The following DPY19L1 variants were observed in gnomAD, a reference collection of about 807,000 sequenced individuals.
DPY19L1 encodes protein C-mannosyl-transferase DPY19L1.
Under a neutral mutation model 96.9 loss-of-function variants are expected in DPY19L1, and 35 were observed. That is an observed-to-expected ratio of 0.36 (90% CI 0.28 to 0.48). DPY19L1 has a LOEUF of 0.48. DPY19L1 is among the 20% of genes least tolerant of loss of function. The pLI is 0.99. For synonymous variants in DPY19L1, 205 were observed against 252.6 expected (o/e 0.81, Z 1.79); for missense variants, 521 against 777.9 (o/e 0.67, Z 3.93).
rs193207818 is a variant in DPY19L1 at position 34,994,576 on chromosome 7, C to T, written c.765-4635G>A. ...ATCCCAGCACTTTGGGAGGCTGAGGCGGGCGGATCACGAGGTCAGGAGATC... is the reference window on the plus strand; with the variant it reads ...ATCCCAGCACTTTGGGAGGCTGAGGTGGGCGGATCACGAGGTCAGGAGATC... On this transcript the variant is annotated intron_variant, in intron 6 of 21. Transcript: ENST00000638088. 5.0e-3 allele frequency among the ~76,000 whole-genome samples: 761 copies of T among 152,100 alleles called. 1 individual carries two copies. The highest frequency in any genetic ancestry group is 8.7e-3 in the Non-Finnish European group (592 of 67,950).
intron 8 of DPY19L1, among the ~76,000 whole-genome samples, chr7:34,971,627 T>A (rs1364676147): frequency 2.6e-5 from 4 of 152,130 alleles, no homozygotes; most frequent in Non-Finnish European, 1.5e-5. Flanking sequence ...GAAAGGAAAG[T>A]TCTCTAAAAC....
At chr7:34,952,127 C>T (rs931105619) in intron 13 of DPY19L1, among the ~76,000 whole-genome samples, 16 of 136,094 alleles carry the variant, frequency 1.2e-4, no homozygotes, top group African/African-American at 4.3e-4. Context: ...AAAAAAAGAC[C>T]ACAAAAAAAA....
At chr7:34,967,379 T>G (rs1415266381) in intron 9 of DPY19L1, among the ~76,000 whole-genome samples, 1 of 152,306 alleles carries the variant, frequency 6.6e-6, no homozygotes, top group East Asian at 1.9e-4. Context: ...AATGCATGTG[T>G]GCATAAAAAT....
chr7:35,001,581 C>CTT (rs1039283749), intron 6 of DPY19L1, among the ~76,000 whole-genome samples: 4 of 152,130 alleles, frequency 2.6e-5, no homozygotes, highest in African/African-American at 9.7e-5. Flanking sequence ...TTTTACAACC[C>CTT]TAAAAGACCT....
chr7:34,949,751 G>C (rs1385952935), intron 14 of DPY19L1, 46 bp downstream of exon 14: 1 of 1,241,482 alleles, frequency 8.1e-7, no homozygotes, highest in East Asian at 2.4e-5. Flanking sequence ...TATGAAAAAT[G>C]TATGGGCCAA....
chr7:34,961,170 A>G (rs533233447), intron 10 of DPY19L1, among the ~76,000 whole-genome samples: 1 of 152,336 alleles, frequency 6.6e-6, no homozygotes, highest in South Asian at 2.1e-4. Flanking sequence ...ATGGAGATAT[A>G]AACAACCCAG....
intron 6 of DPY19L1, among the ~76,000 whole-genome samples, chr7:34,992,983 C>T (rs1785206065): frequency 6.6e-6 from 1 of 152,154 alleles, no homozygotes; most frequent in Non-Finnish European, 1.5e-5. Context: ...TGACTTCATT[C>T]CTTTGGAGTT....
At chr7:35,005,219 C>T (rs1785523306) in intron 6 of DPY19L1, among the ~76,000 whole-genome samples, 1 of 151,836 alleles carries the variant, frequency 6.6e-6, no homozygotes, top group South Asian at 2.1e-4. Flanking sequence ...CAGCAGTAAT[C>T]AGGGGAGAAC....
intron 7 of DPY19L1, among the ~76,000 whole-genome samples, chr7:34,978,414 T>C (rs911374616): frequency 4.6e-5 from 7 of 152,202 alleles, no homozygotes; most frequent in African/African-American, 1.7e-4. Context: ...GAGTGCTTCC[T>C]TAAAAGACTG....
At chr7:34,988,430 CTT>C (rs77461383) in intron 7 of DPY19L1, among the ~76,000 whole-genome samples, 1 of 142,966 alleles carries the variant, frequency 7.0e-6, no homozygotes, top group Non-Finnish European at 1.5e-5. Context: ...AAAACCAAAT[CTT>C]TTTTTTTTTT....
intron 16 of DPY19L1, among the ~76,000 whole-genome samples, chr7:34,942,929 C>T (rs572828217): frequency 6.6e-6 from 1 of 152,172 alleles, no homozygotes; most frequent in Admixed American, 6.5e-5. Flanking sequence ...TGGTGATACC[C>T]CAGCAAAGCA....
chr7:34,990,218 T>C (rs1785137490), intron 6 of DPY19L1, among the ~76,000 whole-genome samples: 1 of 152,252 alleles, frequency 6.6e-6, no homozygotes. Context: ...TTAGTAGTCA[T>C]ATTACTGTAC....
At chr7:34,996,721 G>A (rs1326759945) in intron 6 of DPY19L1, among the ~76,000 whole-genome samples, 2 of 151,998 alleles carry the variant, frequency 1.3e-5, no homozygotes, top group African/African-American at 4.8e-5. Context: ...TGCCCACAAG[G>A]TCAAATCCAA....
chr7:35,028,746 T>C (rs939431123), intron 1 of DPY19L1, among the ~76,000 whole-genome samples: 4 of 152,210 alleles, frequency 2.6e-5, no homozygotes, highest in Non-Finnish European at 1.5e-5. Context: ...CTCATACTTA[T>C]GGTTATTTTT....
chr7:34,940,594 A>T lies in DPY19L1; in HGVS notation c.1690-267T>A, dbSNP rs116520342. ...ATTCAAGTAAAGCCACAACCAATTTACAAGGCCCAGTACAAAACAAAAATG... is the reference window on the plus strand; with the variant it reads ...ATTCAAGTAAAGCCACAACCAATTTTCAAGGCCCAGTACAAAACAAAAATG... On this transcript the variant is annotated intron_variant, in intron 18 of 21. Transcript: ENST00000638088. Among the ~76,000 whole-genome samples the T allele has an allele frequency of 2.0e-3, 304 of 152,152 alleles. 5 individuals carry two copies. Among genetic ancestry groups the T allele is most frequent in the African/African-American group, 6.8e-3 (282 of 41,520 alleles).
chr7:34,980,970 A>C (rs1300410263), intron 7 of DPY19L1, among the ~76,000 whole-genome samples: 4 of 152,216 alleles, frequency 2.6e-5, no homozygotes, highest in Non-Finnish European at 5.9e-5. Flanking sequence ...AAATAGGCAA[A>C]ACTAATCAAT....
chr7:34,987,662 G>C (rs1160304543), intron 7 of DPY19L1, among the ~76,000 whole-genome samples: 1 of 151,966 alleles, frequency 6.6e-6, no homozygotes, highest in Non-Finnish European at 1.5e-5. Flanking sequence ...TAACCCAGTG[G>C]CATTTCCAGT....
Position 34,938,504 on chromosome 7 carries a change from G to A in DPY19L1, c.1965-385C>T, listed in dbSNP as rs114266063. On this transcript the variant is annotated intron_variant, in intron 20 of 21. Transcript: ENST00000638088. ...GTGAAGCTGCAACAGTCCCAACTTAGACATCAACAATAATTCACATTAAAT... is the reference window on the plus strand; with the variant it reads ...GTGAAGCTGCAACAGTCCCAACTTAAACATCAACAATAATTCACATTAAAT... Among the ~76,000 whole-genome samples, 1,266 of 152,248 alleles carry A rather than the reference G, an allele frequency of 8.3e-3. 21 individuals are homozygous for A. Among genetic ancestry groups the A allele is most frequent in the African/African-American group, 0.029 (1,224 of 41,538 alleles).
chr7:34,932,276 A>G lies in DPY19L1; in HGVS notation c.2091-547T>C, dbSNP rs183125194. Among the ~76,000 whole-genome samples, 79 of 152,354 alleles carry G rather than the reference A, an allele frequency of 5.2e-4. No homozygotes were observed. The Middle Eastern group carries it at 0.01, about 20-fold the overall frequency. On this transcript the variant is annotated intron_variant, in intron 21 of 21. Coordinates refer to ENST00000638088, the MANE Select transcript of DPY19L1 (RefSeq NM_001366673.1). ...TGGGGTATGTTCCAATAAACCCATC[A>G]TAAGTTGAAAATGCATTTAATACAC... is the stretch of plus-strand genomic sequence containing the variant.
Sources: allele counts gnomAD v4.1 joint callset (sites outside exome capture counted in the v4.1 genomes callset), GRCh38; gene constraint gnomAD v4.1.1; transcripts MANE v1.5; gene names NCBI Gene and HGNC (gene_info 2026-07-23, HGNC 2026-07-21).